Variants in TAFA5 observed in about 807,000 individuals in gnomAD.
The protein encoded by TAFA5 is chemokine-like protein TAFA-5.
Under a neutral mutation model 15.3 loss-of-function variants are expected in TAFA5, and 6 were observed. The ratio of observed to expected loss-of-function variants is 0.39; its 90% CI spans 0.21 to 0.77. The LOEUF is 0.77. Among genes scored for constraint, TAFA5 ranks in the 30% least tolerant of loss-of-function variants. The pLI is 0.41. For synonymous variants in TAFA5, 103 were observed against 80.7 expected, an observed-to-expected ratio of 1.28 and a Z score of -1.48; for missense variants, 161 against 193.1, an observed-to-expected ratio of 0.83 and a Z score of 0.98.
chr22:48,510,504 A>G (rs973973115), intron 1 of TAFA5, among the ~76,000 whole-genome samples: 5 of 152,234 alleles, frequency 3.3e-5, no homozygotes, highest in Non-Finnish European at 7.3e-5. Context: ...TAGCTGCGAG[A>G]AGGAAATGTG....
intron 2 of TAFA5, among the ~76,000 whole-genome samples, chr22:48,675,622 C>G (rs1188554247): frequency 6.6e-6 from 1 of 152,270 alleles, no homozygotes; most frequent in African/African-American, 2.4e-5. Flanking sequence ...TTGGAGAAGA[C>G]CTAGGAGGCA....
chr22:48,648,821 C>G lies in TAFA5; in HGVS notation c.262+2075C>G, dbSNP rs572088720. 2.6e-3 allele frequency among the ~76,000 whole-genome samples: 347 copies of G among 131,340 alleles called. 1 individual carries two copies. The highest frequency in any genetic ancestry group is 4.3e-3 in the Non-Finnish European group (264 of 61,212). The allele number at this position is 131,340 out of a possible 152,430, so 86.2% of individuals were successfully genotyped here. A position where few individuals can be genotyped will look rare whatever the true frequency, so the allele number is the denominator to read the frequency against. ...CCAGCCTGGGTGGCAGAGCAAGACT[C>G]TGTCTCAAAAAAACAAACAAAAAAA... is the stretch of plus-strand genomic sequence containing the variant. On this transcript the variant is annotated intron_variant, in intron 2 of 3. Transcript: ENST00000402357.
chr22:48,596,635 A>G (rs1399566893), intron 1 of TAFA5, among the ~76,000 whole-genome samples: 1 of 151,924 alleles, frequency 6.6e-6, no homozygotes, highest in African/African-American at 2.4e-5. Flanking sequence ...GAGGCTCGAC[A>G]TTGACACGCT....
intron 1 of TAFA5, among the ~76,000 whole-genome samples, chr22:48,617,227 T>C (rs1601618648): frequency 6.6e-6 from 1 of 151,878 alleles, no homozygotes; most frequent in South Asian, 2.1e-4. Context: ...GTCACAGGCG[T>C]CCTGGGAAGA....
intron 3 of TAFA5, among the ~76,000 whole-genome samples, chr22:48,741,398 G>A (rs1488177570): frequency 6.6e-6 from 1 of 152,234 alleles, no homozygotes; most frequent in Non-Finnish European, 1.5e-5. Context: ...GGCGTGGAGG[G>A]GAAGGTGGCG....
At chr22:48,588,620 A>G (rs1453668156) in intron 1 of TAFA5, among the ~76,000 whole-genome samples, 3 of 152,070 alleles carry the variant, frequency 2.0e-5, no homozygotes, top group Admixed American at 6.5e-5. Context: ...TTTCTGGGCT[A>G]TGGTCTCTTG....
chr22:48,740,532 A>G (rs1346754391), intron 3 of TAFA5, among the ~76,000 whole-genome samples: 1 of 152,204 alleles, frequency 6.6e-6, no homozygotes, highest in African/African-American at 2.4e-5. Flanking sequence ...CAGTTGGCGG[A>G]TCTGCCTCGT....
intron 3 of TAFA5, among the ~76,000 whole-genome samples, chr22:48,711,192 A>G (rs940269570): frequency 2.6e-5 from 4 of 152,094 alleles, no homozygotes; most frequent in African/African-American, 4.8e-5. Context: ...CTTCCAGGCT[A>G]GTGACTCTCA....
At chr22:48,663,974 G>A (rs905969912) in intron 2 of TAFA5, among the ~76,000 whole-genome samples, 17 of 152,132 alleles carry the variant, frequency 1.1e-4, no homozygotes, top group African/African-American at 2.4e-4. Flanking sequence ...AACTTCATAA[G>A]GAAAGGAAAA....
chr22:48,677,424 G>A (rs1928010980), intron 2 of TAFA5, among the ~76,000 whole-genome samples: 1 of 152,240 alleles, frequency 6.6e-6, no homozygotes, highest in African/African-American at 2.4e-5. Context: ...TTGCAGAAGG[G>A]ACATGTATCC....
chr22:48,502,765 G>A (rs1157519151), intron 1 of TAFA5, among the ~76,000 whole-genome samples: 5 of 152,174 alleles, frequency 3.3e-5, no homozygotes, highest in South Asian at 2.1e-4. Flanking sequence ...CAGGTGATCC[G>A]CCCCCCTCGG....
intron 2 of TAFA5, among the ~76,000 whole-genome samples, chr22:48,654,293 CCTGGGG>C (rs1927158835): frequency 6.6e-6 from 1 of 152,194 alleles, no homozygotes; most frequent in Non-Finnish European, 1.5e-5. Context: ...ACCACCCTCC[CCTGGGG>C]CTGGGGCGCT....
chr22:48,653,333 G>GC (rs990918052), intron 2 of TAFA5, among the ~76,000 whole-genome samples: 3 of 152,200 alleles, frequency 2.0e-5, no homozygotes, highest in Non-Finnish European at 4.4e-5. Context: ...AAGAGACCCT[G>GC]CCCCCGGTTC....
chr22:48,514,474 C>T (rs1307430956), intron 1 of TAFA5, among the ~76,000 whole-genome samples: 2 of 152,186 alleles, frequency 1.3e-5, no homozygotes, highest in Non-Finnish European at 2.9e-5. Flanking sequence ...GTCTGACAGC[C>T]AACATGGGGT....
At chr22:48,517,689 C>T (rs773071109) in intron 1 of TAFA5, among the ~76,000 whole-genome samples, 15 of 152,136 alleles carry the variant, frequency 9.9e-5, no homozygotes, top group Admixed American at 3.3e-4. Context: ...GCATGGGGCA[C>T]GCACAGACCT....
chr22:48,670,105 T>C (rs1927754193), intron 2 of TAFA5, among the ~76,000 whole-genome samples: 1 of 152,168 alleles, frequency 6.6e-6, no homozygotes, highest in Non-Finnish European at 1.5e-5. Flanking sequence ...CCTGGCCTCA[T>C]GTTAGGCGCT....
At chr22:48,497,539 A>C (rs1489572690) in intron 1 of TAFA5, among the ~76,000 whole-genome samples, 1 of 60,702 alleles carries the variant, frequency 1.6e-5, no homozygotes, top group East Asian at 5.8e-4. Context: ...TCAGAGGAGT[A>C]GCTGGAATCC....
chr22:48,714,102 G>A (rs1929334970), intron 3 of TAFA5, among the ~76,000 whole-genome samples: 1 of 152,242 alleles, frequency 6.6e-6, no homozygotes. Context: ...AGGACAGAGT[G>A]TCCGTGGCCC....
intron 2 of TAFA5, among the ~76,000 whole-genome samples, chr22:48,682,386 T>C (rs4925404): frequency 0.3 from 46,164 of 152,106 alleles, 7,781 homozygotes; most frequent in African/African-American, 0.45. Flanking sequence ...ACAGGTGGCT[T>C]TGGGAACATC....
Sources: allele counts gnomAD v4.1 joint callset (sites outside exome capture counted in the v4.1 genomes callset), GRCh38; gene constraint gnomAD v4.1.1; transcripts MANE v1.5; gene names NCBI Gene and HGNC (gene_info 2026-07-23, HGNC 2026-07-21).